The following PAM variants were observed in gnomAD, a reference collection of about 807,000 sequenced individuals.
PAM encodes peptidylglycine alpha-amidating monooxygenase.
PAM carries 72 observed loss-of-function variants against 122.1 expected under a neutral mutation model. The observed-to-expected ratio is 0.59, with a 90% CI of 0.49 to 0.72. The LOEUF is 0.72. Ranked by LOEUF, PAM falls within the 30% of genes least tolerant of loss-of-function variation. The pLI, the probability that PAM is intolerant of heterozygous loss-of-function variation, is 0.00. For missense variants in PAM, 1,106 were observed against 1,183.7 expected (o/e 0.93, Z 0.96); for synonymous variants, 389 against 404.4 (o/e 0.96, Z 0.46).
chr5:102,760,994 G>C (rs1752174684), intron 1 of PAM, among the ~76,000 whole-genome samples: 3 of 152,318 alleles, frequency 2.0e-5, no homozygotes, highest in African/African-American at 7.2e-5. Flanking sequence ...GCTGAACACT[G>C]TCTTGAGCTT....
At chr5:102,919,212 T>G (rs544765646) in intron 5 of PAM, among the ~76,000 whole-genome samples, 3 of 152,050 alleles carry the variant, frequency 2.0e-5, no homozygotes, top group Non-Finnish European at 4.4e-5. Flanking sequence ...TGCCACTATC[T>G]CCACAGGGTT....
chr5:102,951,045 G>A (rs928963806), intron 12 of PAM, among the ~76,000 whole-genome samples: 2 of 151,636 alleles, frequency 1.3e-5, no homozygotes, highest in Admixed American at 6.6e-5. Context: ...CAAAACCTTC[G>A]GTATCATACC....
intron 5 of PAM, among the ~76,000 whole-genome samples, chr5:102,924,443 A>AC (rs1748644330): frequency 6.6e-6 from 1 of 151,746 alleles, no homozygotes; most frequent in African/African-American, 2.4e-5. Flanking sequence ...CAAAAAAAAA[A>AC]AAAAAAAACA....
chr5:102,963,596 T>TGCTA (rs1382240126), intron 14 of PAM, among the ~76,000 whole-genome samples: 15 of 151,952 alleles, frequency 9.9e-5, no homozygotes, highest in African/African-American at 3.6e-4. Context: ...ATTGTGGTTG[T>TGCTA]GCTAGCCACA....
chr5:102,872,806 A>G (rs770556027), intron 3 of PAM, among the ~76,000 whole-genome samples: 1 of 152,220 alleles, frequency 6.6e-6, no homozygotes, highest in Non-Finnish European at 1.5e-5. Context: ...TTTTCAGGCT[A>G]CAATAACGTT....
rs186340837 is a variant in PAM, at chr5:102,906,200, C to A, written c.268+4787C>A. On this transcript the variant is annotated intron_variant, in intron 4 of 25. Transcript: ENST00000438793. ...TTCTAATGTCTTCAATTAGGTACAT[C>A]TAATGATCACCAAAAATTAATTGAC... Among the ~76,000 whole-genome samples the A allele has an allele frequency of 9.0e-4, 136 of 151,772 alleles. 1 individual carries two copies. Among genetic ancestry groups the A allele is most frequent in the Non-Finnish European group, 1.3e-3 (85 of 67,752 alleles).
intron 1 of PAM, among the ~76,000 whole-genome samples, chr5:102,805,710 G>T (rs1451784861): frequency 6.6e-6 from 1 of 152,174 alleles, no homozygotes; most frequent in East Asian, 1.9e-4. Flanking sequence ...CTCTAATAAG[G>T]TGGTGAGATC....
At chr5:102,982,490 C>T (rs1770235667) in intron 15 of PAM, among the ~76,000 whole-genome samples, 1 of 152,214 alleles carries the variant, frequency 6.6e-6, no homozygotes, top group South Asian at 2.1e-4. Flanking sequence ...CTGTCATGCT[C>T]AGCTCACTGT....
At chr5:102,848,409 A>T (rs1481379637) in intron 1 of PAM, among the ~76,000 whole-genome samples, 1 of 152,198 alleles carries the variant, frequency 6.6e-6, no homozygotes, top group African/African-American at 2.4e-5. Flanking sequence ...CCTTCAGCAG[A>T]TGGATGGATT....
intron 1 of PAM, among the ~76,000 whole-genome samples, chr5:102,822,696 G>T (rs1302582352): frequency 6.6e-6 from 1 of 152,086 alleles, no homozygotes; most frequent in Non-Finnish European, 1.5e-5. Flanking sequence ...GCCTCCCCAG[G>T]ATTAAACCCA....
intron 7 of PAM, among the ~76,000 whole-genome samples, chr5:102,934,235 A>T (rs1366698645): frequency 6.6e-6 from 1 of 152,174 alleles, no homozygotes; most frequent in Non-Finnish European, 1.5e-5. Flanking sequence ...AGTGGAAGGG[A>T]GACATAAATA....
intron 1 of PAM, among the ~76,000 whole-genome samples, chr5:102,807,249 T>A (rs1766490067): frequency 6.6e-6 from 1 of 152,240 alleles, no homozygotes; most frequent in East Asian, 1.9e-4. Flanking sequence ...GTGTTGCATC[T>A]GATCAAATAA....
At chr5:102,795,439 C>G (rs1204815086) in intron 1 of PAM, among the ~76,000 whole-genome samples, 2 of 152,120 alleles carry the variant, frequency 1.3e-5, no homozygotes, top group African/African-American at 2.4e-5. Context: ...GTACCACTAA[C>G]AGTTTAAAAG....
At chr5:102,923,576 C>A (rs184528655) in intron 5 of PAM, among the ~76,000 whole-genome samples, 1 of 152,162 alleles carries the variant, frequency 6.6e-6, no homozygotes, top group Non-Finnish European at 1.5e-5. Flanking sequence ...TGGATTAAAT[C>A]CAATTCAATA....
At chr5:102,760,329 T>G (rs1194391052) in intron 1 of PAM, among the ~76,000 whole-genome samples, 1 of 152,202 alleles carries the variant, frequency 6.6e-6, no homozygotes. Context: ...ACTGATATTT[T>G]TGTGAGTAGT....
intron 23 of PAM, among the ~76,000 whole-genome samples, chr5:103,024,674 T>G (rs942103646): frequency 2.0e-5 from 3 of 152,140 alleles, no homozygotes; most frequent in Non-Finnish European, 2.9e-5. Flanking sequence ...GGAGGTCCTA[T>G]TATTACAGTT....
Position 102,924,999 on chromosome 5 carries a change from G to T in PAM, c.399G>T (p.Leu133=), listed in dbSNP as rs377205864. ...EGTCTDKANI[L]YAWARNAPPT... ...CCTGTACAGATAAAGCCAATATTCT[G>T]TATGCCTGGGCGAGAAATGCTCCCC... Residue 133 remains leucine, a synonymous_variant, in exon 6 of 26, where the codon CTG becomes CTT. Coordinates refer to ENST00000438793, the MANE Select transcript of PAM (RefSeq NM_001177306.2). 18 of 1,595,688 alleles carry T rather than the reference G, an allele frequency of 1.1e-5. No individual in the cohort carries two copies. The African/African-American group carries it at 2.3e-4, about 20-fold the overall frequency.
In PAM at chr5:102,796,043, C is replaced by T. The variant is rs141247703; in HGVS notation, c.-374+40695C>T. ...GATCCAAACAAATCAGAATATGCAC[C>T]AGCCTCAGCAAAAACTCCTGTGATC... On this transcript the variant is annotated intron_variant, in intron 1 of 25. Transcript: ENST00000438793. Among the ~76,000 whole-genome samples, 1,283 of 152,158 alleles carry T rather than the reference C, an allele frequency of 8.4e-3. 12 individuals carry two copies. Among genetic ancestry groups the T allele is most frequent in the South Asian group, 0.018 (89 of 4,816 alleles).
In PAM at chr5:103,019,842, A is replaced by C. The variant is rs1159716099; in HGVS notation, c.2484A>C (p.Lys828Asn). ...KKAGIEVQEI[K>N]EAEAVVETKM... ...CTGGCATTGAGGTCCAGGAAATCAA[A>C]GGTTGGTCAGATTCCTCTTATTACT... The change falls in exon 23 of 26, where the codon AAA becomes AAC. Residue 828 changes from lysine to asparagine, a missense_variant and splice_region_variant. This residue lies in a region of PAM where 333 missense variants were observed against 335.6 expected (regional missense o/e 0.99). Coordinates refer to ENST00000438793, the MANE Select transcript of PAM (RefSeq NM_001177306.2). 3 of 1,595,446 alleles carry C rather than the reference A, an allele frequency of 1.9e-6. No individual in the cohort carries two copies. The African/African-American group carries it at 4.0e-5, about 21-fold the overall frequency.
Sources: allele counts gnomAD v4.1 joint callset (sites outside exome capture counted in the v4.1 genomes callset), GRCh38; gene constraint gnomAD v4.1.1; regional missense constraint gnomAD v4.1.1; transcripts MANE v1.5; gene names NCBI Gene and HGNC (gene_info 2026-07-23, HGNC 2026-07-21).